The following NUGGC variants were observed in gnomAD, a reference collection of about 807,000 sequenced individuals.
The protein encoded by NUGGC is nuclear GTPase, germinal center associated.
Under a neutral mutation model 92.6 loss-of-function variants are expected in NUGGC, and 58 were observed. The ratio of observed to expected loss-of-function variants is 0.63; its 90% CI spans 0.51 to 0.78. The LOEUF (loss-of-function observed/expected upper bound fraction) is 0.78. Among genes scored for constraint, NUGGC ranks in the 30% least tolerant of loss-of-function variants. The pLI is 0.00. For synonymous variants in NUGGC, 376 were observed against 366.4 expected, an observed-to-expected ratio of 1.03 and a Z score of -0.30; for missense variants, 925 against 964.6, an observed-to-expected ratio of 0.96 and a Z score of 0.54.
chr8:28,076,297 G>C (rs1294587262), intron 1 of NUGGC, among the ~76,000 whole-genome samples: 4 of 152,122 alleles, frequency 2.6e-5, no homozygotes, highest in Admixed American at 2.0e-4. Context: ...TGTTGTTTTG[G>C]TCTGGTGGTT....
intron 13 of NUGGC, among the ~76,000 whole-genome samples, chr8:28,034,798 C>T (rs1054214870): frequency 1.3e-5 from 2 of 151,932 alleles, no homozygotes; most frequent in Non-Finnish European, 2.9e-5. Flanking sequence ...GCCTGGGCAA[C>T]AAGAGCGAAA....
At chr8:28,081,803 G>A (rs372830294) in intron 1 of NUGGC, among the ~76,000 whole-genome samples, 1 of 151,616 alleles carries the variant, frequency 6.6e-6, no homozygotes, top group Non-Finnish European at 1.5e-5. Flanking sequence ...GCTTGAACCC[G>A]GGAGGCGGAG....
Position 28,032,811 on chromosome 8 carries a change from T to C in NUGGC, c.1769+729A>G, listed in dbSNP as rs182180771. Among the ~76,000 whole-genome samples, 431 of 151,232 alleles carry C rather than the reference T, an allele frequency of 2.8e-3. 9 individuals are homozygous for C. Among genetic ancestry groups the C allele is most frequent in the African/African-American group, 0.01 (413 of 41,112 alleles). On this transcript the variant is annotated intron_variant, in intron 14 of 18. Coordinates refer to ENST00000413272, the MANE Select transcript of NUGGC (RefSeq NM_001010906.2). ...GTACAGTCCCCAAACCCACATCATG[T>C]ATGTGAGCAGGCAGAGTGTGTCAGA...
At chr8:28,034,535 G>A (rs967377172) in intron 13 of NUGGC, among the ~76,000 whole-genome samples, 3 of 152,094 alleles carry the variant, frequency 2.0e-5, no homozygotes, top group Non-Finnish European at 4.4e-5. Flanking sequence ...TATGTTCCAG[G>A]CCAGATGCAG....
rs1809282529 is a variant in NUGGC, at chr8:28,027,070, T to TG, written c.2155-19_2155-18insC. ...ATTCCAGTCTATGCAACAAGGACAT[T>TG]CAGTCTGTTAGGATGGTGCAGCCCA... On this transcript the variant is annotated intron_variant, in intron 17 of 18. Transcript: ENST00000413272. The TG allele has an allele frequency of 2.5e-6, 4 of 1,586,420 alleles. No homozygotes were observed. The highest frequency in any genetic ancestry group is 3.5e-6 in the Non-Finnish European group (4 of 1,154,966).
At chr8:28,035,429 G>A (rs572215571) in intron 13 of NUGGC, among the ~76,000 whole-genome samples, 1 of 152,166 alleles carries the variant, frequency 6.6e-6, no homozygotes, top group East Asian at 1.9e-4. Context: ...GTGGCTGGGG[G>A]CATAGTCATC....
chr8:28,023,490 G>A lies in NUGGC; in HGVS notation c.2246-28C>T, dbSNP rs181080274. ...ACAGGAGAGCAGAAAGCTCACATCA[G>A]GACTTGGTGTCCGTTGCAGAAACGT... On this transcript the variant is annotated intron_variant, in intron 18 of 18. Transcript: ENST00000413272. 346 of 1,594,178 alleles carry A rather than the reference G, an allele frequency of 2.2e-4. 1 individual carries two copies. In the African/African-American group the frequency reaches 4.3e-3, roughly 20 times the overall value.
intron 2 of NUGGC, 142 bp from the exon 3 acceptor site, chr8:28,070,498 A>T (rs984457487): frequency 7.8e-5 from 44 of 560,740 alleles, no homozygotes; most frequent in Middle Eastern, 9.2e-4. Context: ...AGCATGAGGG[A>T]TTACATGCCT....
intron 18 of NUGGC, among the ~76,000 whole-genome samples, chr8:28,025,633 G>A (rs1223104378): frequency 2.1e-5 from 1 of 47,234 alleles, no homozygotes; most frequent in Non-Finnish European, 5.4e-5. Context: ...TCCTTCCCTG[G>A]AGTCCGTTAG....
chr8:28,072,315 G>A (rs1810610720), intron 2 of NUGGC, among the ~76,000 whole-genome samples: 1 of 152,192 alleles, frequency 6.6e-6, no homozygotes, highest in African/African-American at 2.4e-5. Flanking sequence ...GGCTGGAGCT[G>A]GAGAGGAAGA....
intron 1 of NUGGC, among the ~76,000 whole-genome samples, chr8:28,075,848 T>C (rs1810708984): frequency 6.6e-6 from 1 of 152,160 alleles, no homozygotes; most frequent in South Asian, 2.1e-4. Flanking sequence ...GCTCTTTCCC[T>C]CTCCCTTCCT....
intron 8 of NUGGC, among the ~76,000 whole-genome samples, chr8:28,058,846 G>A (rs1040721910): frequency 6.6e-6 from 1 of 152,066 alleles, no homozygotes; most frequent in South Asian, 2.1e-4. Flanking sequence ...GGGACTACAG[G>A]TGTGCATCAC....
At chr8:28,083,407 T>C (rs1415670330) in intron 1 of NUGGC, among the ~76,000 whole-genome samples, 1 of 152,148 alleles carries the variant, frequency 6.6e-6, no homozygotes, top group Non-Finnish European at 1.5e-5. Flanking sequence ...ACTGCCATAT[T>C]CATCAAAAAC....
intron 1 of NUGGC, among the ~76,000 whole-genome samples, chr8:28,080,621 G>C (rs201356808): frequency 3.3e-5 from 5 of 152,114 alleles, no homozygotes; most frequent in African/African-American, 1.2e-4. Flanking sequence ...AATGATGATA[G>C]ATATAATTTT....
chr8:28,031,405 G>C, intron 14 of NUGGC, 24 bp from the exon 15 acceptor site: 1 of 1,610,364 alleles, frequency 6.2e-7, no homozygotes, highest in Non-Finnish European at 8.5e-7. Context: ...TGACAAAAAA[G>C]TTTAAGAGAA....
intron 7 of NUGGC, among the ~76,000 whole-genome samples, chr8:28,062,368 C>T (rs1328724693): frequency 6.6e-6 from 1 of 151,374 alleles, no homozygotes; most frequent in Non-Finnish European, 1.5e-5. Flanking sequence ...CCTGTAATCC[C>T]AACATTTTGG....
In NUGGC at chr8:28,064,631, T is replaced by C; in HGVS notation, c.812A>G (p.His271Arg). ...GGATTTGGGAAGTGTCACTTCCACA[T>C]GTTTGATCAAGGGCCAGATGCGCAT... The part of the protein sequence containing the change: ...AEMRIWPLIK[H>R]VEVTLPKSDL... The change falls in exon 7 of 19, where the codon CAT becomes CGT. Residue 271 changes from histidine to arginine, a missense_variant. His to Arg is a conservative substitution (Grantham distance 29, BLOSUM62 0). Coordinates refer to ENST00000413272, the MANE Select transcript of NUGGC (RefSeq NM_001010906.2). The C allele has an allele frequency of 1.2e-6, 2 of 1,613,868 alleles. No homozygotes were observed. The highest frequency in any genetic ancestry group is 1.7e-6 in the Non-Finnish European group (2 of 1,179,750).
chr8:28,079,942 T>C (rs1451721584), intron 1 of NUGGC, among the ~76,000 whole-genome samples: 1 of 151,618 alleles, frequency 6.6e-6, no homozygotes, highest in East Asian at 1.9e-4. Flanking sequence ...TTTTGTTTGT[T>C]TGTTTGTTTG....
rs184341576 is a variant in NUGGC at position 28,054,463 on chromosome 8, C to T, written c.1206+1502G>A. Among the ~76,000 whole-genome samples the T allele has an allele frequency of 2.5e-3, 375 of 151,800 alleles. 2 individuals are homozygous for T. Among genetic ancestry groups the T allele is most frequent in the African/African-American group, 8.4e-3 (347 of 41,356 alleles). ...CACCACTGCACTCCAGCCTGGGCAA[C>T]GGAGCGCAACTCTGTCTCAAAATAA... On this transcript the variant is annotated intron_variant, in intron 10 of 18. Coordinates refer to ENST00000413272, the MANE Select transcript of NUGGC (RefSeq NM_001010906.2).
Sources: allele counts gnomAD v4.1 joint callset (sites outside exome capture counted in the v4.1 genomes callset), GRCh38; gene constraint gnomAD v4.1.1; transcripts MANE v1.5; gene names NCBI Gene and HGNC (gene_info 2026-07-23, HGNC 2026-07-21).